The following VIPR1 variants were observed in gnomAD, a reference collection of about 807,000 sequenced individuals.
The protein encoded by VIPR1 is vasoactive intestinal polypeptide receptor 1.
Under a neutral mutation model 58.8 loss-of-function variants are expected in VIPR1, and 59 were observed. The ratio of observed to expected loss-of-function variants is 1.00; its 90% CI spans 0.81 to 1.25. The LOEUF (loss-of-function observed/expected upper bound fraction) is 1.25, where lower values mean the gene tolerates loss of function less well. Among genes scored for constraint, VIPR1 ranks in the 50% most tolerant of loss-of-function variants. The pLI is 0.00. For synonymous variants in VIPR1, 251 were observed against 242.1 expected (o/e 1.04, Z -0.34); for missense variants, 626 against 602.7 (o/e 1.04, Z -0.40).
intron 1 of VIPR1, chr3:42,512,973 T>C (rs938386512): frequency 2.3e-5 from 23 of 984,892 alleles, no homozygotes; most frequent in Admixed American, 1.2e-4. Context: ...GTCACACTGG[T>C]CTGGCCCACC....
chr3:42,492,768 G>A (rs1577188190), intron 1 of VIPR1, among the ~76,000 whole-genome samples: 1 of 152,192 alleles, frequency 6.6e-6, no homozygotes, highest in Non-Finnish European at 1.5e-5. Context: ...TGTCTCCCTT[G>A]AGCAGCACTA....
intron 1 of VIPR1, among the ~76,000 whole-genome samples, chr3:42,504,772 G>T (rs56184136): frequency 7.4e-6 from 1 of 134,566 alleles, no homozygotes; most frequent in Non-Finnish European, 1.6e-5. Context: ...GTGGGGGGGC[G>T]GGGTGACAGG....
chr3:42,513,574 G>C, intron 1 of VIPR1, 175 bp from the exon 2 acceptor site: 1 of 623,012 alleles, frequency 1.6e-6, no homozygotes. Context: ...CCAGGTTTGG[G>C]GGCAATGGAC....
At chr3:42,511,452 C>A in intron 1 of VIPR1, among the ~76,000 whole-genome samples, 1 of 152,146 alleles carries the variant, frequency 6.6e-6, no homozygotes, top group Non-Finnish European at 1.5e-5. Flanking sequence ...ACATGTCAAT[C>A]CCCTGGAAGA....
At position 42,536,704 on chromosome 3, in the gene VIPR1, C is replaced by T. The variant is rs1206961724; in HGVS notation, c.*423C>T. The stretch of plus-strand genomic sequence containing the variant: ...AGAAAGGTTCTGCCCGGGAAGGTCA[C>T]CAGCACCAACACCACGGTAGTGCCT... On this transcript the variant is annotated 3_prime_UTR_variant, in exon 13 of 13. Transcript: ENST00000325123. The T allele has an allele frequency of 6.0e-6, 1 of 165,780 alleles. No homozygotes were observed. The highest frequency in any genetic ancestry group is 1.3e-5 in the Non-Finnish European group (1 of 77,588). The allele number at this position is 165,780 out of a possible 1,614,324, so 10.3% of individuals were successfully genotyped here. A position where few individuals can be genotyped will look rare whatever the true frequency, so the allele number is the denominator to read the frequency against.
chr3:42,515,726 T>C (rs570118027), intron 2 of VIPR1, among the ~76,000 whole-genome samples: 8 of 152,342 alleles, frequency 5.3e-5, no homozygotes, highest in African/African-American at 1.7e-4. Context: ...CCCATGTCTG[T>C]CTGGAGCTGC....
chr3:42,513,942 G>T, intron 2 of VIPR1, 88 bp downstream of exon 2: 1 of 1,406,204 alleles, frequency 7.1e-7, no homozygotes, highest in South Asian at 1.3e-5. Context: ...AGTCACGTTC[G>T]TTCCACATTT....
In VIPR1 at chr3:42,528,003, C is replaced by T. The variant is rs779443375; in HGVS notation, c.516C>T (p.Cys172=). The T allele has an allele frequency of 1.2e-6, 2 of 1,613,980 alleles. No homozygotes were observed. The highest frequency in any genetic ancestry group is 1.7e-6 in the Non-Finnish European group (2 of 1,179,904). ...CCACCCCACACAGGAAGCTCCACTG[C>T]ACGCGGAACTACATCCACATGCACC... ...AILSLFRKLH[C]TRNYIHMHLF... The change falls in exon 6 of 13, where the codon TGC becomes TGT. Residue 172 remains cysteine (C), a synonymous_variant. Transcript: ENST00000325123.
chr3:42,516,339 C>T (rs762175264), intron 2 of VIPR1, among the ~76,000 whole-genome samples: 4 of 152,162 alleles, frequency 2.6e-5, no homozygotes, highest in Non-Finnish European at 5.9e-5. Context: ...TTCCAGGTAC[C>T]AAGTATATTC....
intron 4 of VIPR1, 62 bp downstream of exon 4, chr3:42,526,055 A>T (rs1009620742): frequency 2.0e-6 from 3 of 1,473,744 alleles, no homozygotes; most frequent in Non-Finnish European, 2.8e-6. Flanking sequence ...GGAGACTTTG[A>T]TCTCTCCCAC....
intron 1 of VIPR1, among the ~76,000 whole-genome samples, chr3:42,495,269 C>A (rs1358263701): frequency 6.6e-6 from 1 of 151,074 alleles, no homozygotes; most frequent in South Asian, 2.1e-4. Flanking sequence ...CTATAGGCGC[C>A]CACCACCACT....
intron 3 of VIPR1, among the ~76,000 whole-genome samples, chr3:42,523,905 C>T (rs1031791967): frequency 6.6e-6 from 1 of 151,596 alleles, no homozygotes; most frequent in African/African-American, 2.4e-5. Flanking sequence ...GCAACCTCCA[C>T]CTCCTGGGTT....
chr3:42,492,898 C>T (rs58475551), intron 1 of VIPR1, among the ~76,000 whole-genome samples: 32,849 of 152,190 alleles, frequency 0.22, 4,053 homozygotes, highest in East Asian at 0.56. Context: ...AGCCCCAGAC[C>T]CTGAACTTGC....
intron 3 of VIPR1, among the ~76,000 whole-genome samples, chr3:42,523,087 C>A (rs936238862): frequency 6.6e-6 from 1 of 150,720 alleles, no homozygotes; most frequent in Admixed American, 6.6e-5. Flanking sequence ...TGCCCTGACC[C>A]CGCCCCCAGT....
intron 2 of VIPR1, among the ~76,000 whole-genome samples, chr3:42,518,996 T>C (rs1371370875): frequency 6.6e-6 from 1 of 152,172 alleles, no homozygotes; most frequent in Non-Finnish European, 1.5e-5. Flanking sequence ...GGGCGCTCCA[T>C]CCCTCACTAA....
chr3:42,531,566 A>G (rs748658123), intron 8 of VIPR1, 35 bp downstream of exon 8: 59 of 1,589,618 alleles, frequency 3.7e-5, no homozygotes, highest in Non-Finnish European at 6.9e-6. Flanking sequence ...CCCGGCCGCC[A>G]TCACTTGGGC....
intron 1 of VIPR1, among the ~76,000 whole-genome samples, chr3:42,503,552 C>G (rs565553205): frequency 6.6e-6 from 1 of 152,246 alleles, no homozygotes; most frequent in South Asian, 2.1e-4. Context: ...TACATGTGTA[C>G]TCGTGTGCCC....
chr3:42,532,027 TTCCTTGAGCGTAAGC>T, intron 9 of VIPR1, 158 bp downstream of exon 9: 1 of 961,572 alleles, frequency 1.0e-6, no homozygotes, highest in South Asian at 1.5e-5. Context: ...CTACCAGTTC[TTCCTTGAGCGTAAGC>T]GGATTGGGAG....
intron 1 of VIPR1, among the ~76,000 whole-genome samples, chr3:42,490,246 A>C (rs1699642007): frequency 6.6e-6 from 1 of 152,214 alleles, no homozygotes; most frequent in South Asian, 2.1e-4. Context: ...AAAGCAAAAG[A>C]AGCCAGCGGT....
Sources: allele counts gnomAD v4.1 joint callset (sites outside exome capture counted in the v4.1 genomes callset), GRCh38; gene constraint gnomAD v4.1.1; transcripts MANE v1.5; gene names NCBI Gene and HGNC (gene_info 2026-07-23, HGNC 2026-07-21).